Variants in ATG2B observed in about 807,000 individuals in gnomAD.
ATG2B encodes autophagy related 2B.
In ATG2B, 121 loss-of-function variants were observed where a neutral mutation model predicts 241.3. The observed-to-expected ratio is 0.50, with a 90% CI of 0.43 to 0.58. The LOEUF is 0.58. ATG2B is among the 20% of genes least tolerant of loss of function. The pLI is 0.00. For synonymous variants in ATG2B, 858 were observed against 876.6 expected (o/e 0.98, Z 0.37); for missense variants, 2,306 against 2,491.6 (o/e 0.93, Z 1.59).
In ATG2B at chr14:96,332,663, G is replaced by A. The variant is rs954661919; in HGVS notation, c.1208-8C>T. 2 of 1,539,726 alleles carry A rather than the reference G, an allele frequency of 1.3e-6. No homozygotes were observed. The highest frequency in any genetic ancestry group is 8.7e-7 in the Non-Finnish European group (1 of 1,150,316). On this transcript the variant is annotated splice_region_variant and splice_polypyrimidine_tract_variant and intron_variant, in intron 8 of 41. Coordinates refer to ENST00000359933, the MANE Select transcript of ATG2B (RefSeq NM_018036.7). ...AGAAGAATACTTCTTCTTCTAGAGA[G>A]AATTAAACTATGTCACTTGTATTAT...
At chr14:96,358,529 A>C (rs1266154842) in intron 1 of ATG2B, among the ~76,000 whole-genome samples, 1 of 152,234 alleles carries the variant, frequency 6.6e-6, no homozygotes, top group East Asian at 1.9e-4. Context: ...GCTACAAAAT[A>C]ATTTCCCTAA....
chr14:96,307,335 C>T (rs1345911676), intron 29 of ATG2B, among the ~76,000 whole-genome samples: 3 of 152,048 alleles, frequency 2.0e-5, no homozygotes, highest in East Asian at 1.9e-4. Context: ...TGTTTGAAGC[C>T]GGGAGGTGGA....
rs558528531 is a variant in ATG2B, at chr14:96,325,096, G to A, written c.2437+553C>T. Among the ~76,000 whole-genome samples, 11 of 152,264 alleles carry A rather than the reference G, an allele frequency of 7.2e-5. 1 individual carries two copies. In the South Asian group the frequency reaches 2.3e-3, roughly 32 times the overall value. ...AGTTTTACAAATAAAAGTCACTAGC[G>A]ATTAGTTAGTGTAATGGTTGAAAGC... On this transcript the variant is annotated intron_variant, in intron 15 of 41. Coordinates refer to ENST00000359933, the MANE Select transcript of ATG2B (RefSeq NM_018036.7).
At chr14:96,308,272 ATATATATATATTTTT>A (rs1887048749) in intron 29 of ATG2B, among the ~76,000 whole-genome samples, 7 of 25,860 alleles carry the variant, frequency 2.7e-4, no homozygotes, top group African/African-American at 4.8e-4. Context: ...ATATATATAT[ATATATATATATTTTT>A]TTTTTTTTTT....
chr14:96,344,728 T>C lies in ATG2B; in HGVS notation c.507A>G (p.Ile169Met), dbSNP rs150308733. 1.8e-5 allele frequency: 29 copies of C among 1,597,872 alleles called. No homozygotes were observed. In the African/African-American group the frequency reaches 2.8e-4, roughly 16 times the overall value. ...CATGTTCAATTCTCAAAACAGTATC[T>C]ATAAAAGTGACTTTTACTCTTCTTA... ...TVLRRVKVTF[I>M]DTVLRIEHVP... Residue 169 changes from isoleucine (I) to methionine (M), a missense_variant, in exon 4 of 42, where the codon ATA becomes ATG. By Grantham distance (10) the Ile-to-Met change is conservative (BLOSUM62 1). Transcript: ENST00000359933.
rs544411854 is a variant in ATG2B, at chr14:96,324,136, T to C, written c.2438-138A>G. 315 of 612,262 alleles carry C rather than the reference T, an allele frequency of 5.1e-4. 2 individuals carry two copies. Among genetic ancestry groups the C allele is most frequent in the Middle Eastern group, 1.1e-3 (3 of 2,620 alleles). 37.9% of individuals were successfully genotyped at this position (612,262 alleles called of 1,614,324 possible). A position where few individuals can be genotyped will look rare whatever the true frequency, so the allele number is the denominator to read the frequency against. Reference sequence around the variant, plus strand: ...GCATTTTTCAGTTGTTCTGGTTTCATGTGCACGTGTGGTAGACAGAATGAG... The same window carrying C: ...GCATTTTTCAGTTGTTCTGGTTTCACGTGCACGTGTGGTAGACAGAATGAG... On this transcript the variant is annotated intron_variant, in intron 15 of 41. Transcript: ENST00000359933.
intron 12 of ATG2B, 40 bp downstream of exon 12, chr14:96,329,444 T>C (rs1887672252): frequency 7.0e-7 from 1 of 1,423,676 alleles, no homozygotes; most frequent in South Asian, 1.4e-5. Flanking sequence ...GCAAGGTAGA[T>C]TTAAAAAATA....
rs779477286 is a variant in ATG2B at position 96,325,829 on chromosome 14, A to G, written c.2257T>C (p.Ser753Pro). The G allele has an allele frequency of 6.2e-7, 1 of 1,613,958 alleles. No homozygotes were observed. The highest frequency in any genetic ancestry group is 8.5e-7 in the Non-Finnish European group (1 of 1,179,992). The change falls in exon 15 of 42, where the codon TCT (serine) becomes CCT (proline). Residue 753 changes from serine to proline, a missense_variant. Ser to Pro is a moderately conservative substitution (Grantham distance 74). Transcript: ENST00000359933. The stretch of plus-strand genomic sequence containing the variant: ...AGATCAGGTATTGGGAAGCGAACAG[A>G]AAGGTTTAATGCTGGTGTGGCAACT... ...VQVATPALNL[S>P]VRFPIPDLRS... is the part of the protein sequence containing the mutation.
chr14:96,308,278 ATATATTT>A (rs1887052649), intron 29 of ATG2B, among the ~76,000 whole-genome samples: 6 of 27,712 alleles, frequency 2.2e-4, no homozygotes, highest in South Asian at 1.0e-3. Context: ...ATATATATAT[ATATATTT>A]TTTTTTTTTT....
In ATG2B at chr14:96,347,334, T is replaced by C. The variant is rs779121835; in HGVS notation, c.170A>G (p.Asn57Ser). 7 of 1,567,730 alleles carry C rather than the reference T, an allele frequency of 4.5e-6. No homozygotes were observed. The highest frequency in any genetic ancestry group is 1.2e-5 in the South Asian group (1 of 86,680). ...AQVPLDKWCL[N>S]EILESADAPL... The stretch of plus-strand genomic sequence containing the variant: ...TGCATCTGCTGACTCCAAGATCTCA[T>C]TGAGACACTAAGGAGAAAAAACAGG... The change falls in exon 2 of 42, where the codon AAT (asparagine) becomes AGT (serine). Residue 57 changes from asparagine to serine, a missense_variant. Asn to Ser is a conservative substitution (Grantham distance 46, BLOSUM62 1). This residue lies in a region of ATG2B where 1,927 missense variants were observed against 2,011.2 expected (regional missense o/e 0.96). Coordinates refer to ENST00000359933, the MANE Select transcript of ATG2B (RefSeq NM_018036.7).
chr14:96,331,027 G>C lies in ATG2B; in HGVS notation c.1730+349C>G, dbSNP rs148404859. Among the ~76,000 whole-genome samples the C allele has an allele frequency of 9.8e-5, 15 of 152,308 alleles. No individual in the cohort carries two copies. In the East Asian group the frequency reaches 2.9e-3, roughly 29 times the overall value. Reference sequence around the variant, plus strand: ...ACCACTGTCATCTCTGCTAATGCCAGTGACAATAAGAACTGTTTTCACGAC... The same window carrying C: ...ACCACTGTCATCTCTGCTAATGCCACTGACAATAAGAACTGTTTTCACGAC... On this transcript the variant is annotated intron_variant, in intron 11 of 41. Transcript: ENST00000359933.
intron 23 of ATG2B, 25 bp downstream of exon 23, chr14:96,315,129 A>G (rs1887271493): frequency 6.4e-7 from 1 of 1,567,614 alleles, no homozygotes; most frequent in Non-Finnish European, 8.7e-7. Context: ...TAAATAAATT[A>G]ATACATATAT....
At chr14:96,357,820 T>C (rs1888519729) in intron 1 of ATG2B, among the ~76,000 whole-genome samples, 1 of 152,192 alleles carries the variant, frequency 6.6e-6, no homozygotes, top group Non-Finnish European at 1.5e-5. Flanking sequence ...TTTTGTACCA[T>C]ATTGTTATCT....
intron 1 of ATG2B, among the ~76,000 whole-genome samples, chr14:96,352,006 T>C (rs1489214962): frequency 6.6e-6 from 1 of 151,890 alleles, no homozygotes; most frequent in Non-Finnish European, 1.5e-5. Flanking sequence ...TACAACACAA[T>C]CCAGAAGAAA....
Position 96,290,238 on chromosome 14 carries a change from A to T in ATG2B, c.5856+198T>A. 1 of 1,217,632 alleles carries T rather than the reference A, an allele frequency of 8.2e-7. No homozygotes were observed. The highest frequency in any genetic ancestry group is 1.1e-6 in the Non-Finnish European group (1 of 935,600). The allele number at this position is 1,217,632 out of a possible 1,614,324, so 75.4% of individuals were successfully genotyped here. A position where few individuals can be genotyped will look rare whatever the true frequency, so the allele number is the denominator to read the frequency against. ...CCTGAAATAGGCAAACAAATCTGACACTGTATTCCACTGCTTTATTCTAAT... is the reference window on the plus strand; with the variant it reads ...CCTGAAATAGGCAAACAAATCTGACTCTGTATTCCACTGCTTTATTCTAAT... On this transcript the variant is annotated intron_variant, in intron 40 of 41. Transcript: ENST00000359933. The surrounding 1 kb of genome is among the most constrained non-coding windows in gnomAD (Gnocchi z 4.4).
rs1268791209 is a variant in ATG2B, at chr14:96,281,491, T to C, written c.*4264A>G. On this transcript the variant is annotated 3_prime_UTR_variant, in exon 42 of 42. Coordinates refer to ENST00000359933, the MANE Select transcript of ATG2B (RefSeq NM_018036.7). ...ATTCAATGTCTAAAATAAGTCAGGATGGATCAACATAAAAGCTGAACTAGA... is the reference window on the plus strand; with the variant it reads ...ATTCAATGTCTAAAATAAGTCAGGACGGATCAACATAAAAGCTGAACTAGA... 6.6e-6 allele frequency: 1 copy of C among 152,176 alleles called. No individual in the cohort carries two copies. Among genetic ancestry groups the C allele is most frequent in the African/African-American group, 2.4e-5 (1 of 41,440 alleles). 9.4% of individuals were successfully genotyped at this position (152,176 alleles called of 1,614,324 possible). A position where few individuals can be genotyped will look rare whatever the true frequency, so the allele number is the denominator to read the frequency against.
rs1473272443 is a variant in ATG2B at position 96,290,385 on chromosome 14, C to A, written c.5856+51G>T. On this transcript the variant is annotated intron_variant, in intron 40 of 41. Coordinates refer to ENST00000359933, the MANE Select transcript of ATG2B (RefSeq NM_018036.7). The surrounding 1 kb of genome is among the most constrained non-coding windows in gnomAD (Gnocchi z 4.4). ...TCGTTTTAAAAACAAAAGGACCCAACCATTTCACAATGGCTCTTTTTGGAT... is the reference window on the plus strand; with the variant it reads ...TCGTTTTAAAAACAAAAGGACCCAAACATTTCACAATGGCTCTTTTTGGAT... 6.3e-7 allele frequency: 1 copy of A among 1,580,330 alleles called. No individual in the cohort carries two copies. The highest frequency in any genetic ancestry group is 8.6e-7 in the Non-Finnish European group (1 of 1,160,234).
Position 96,303,877 on chromosome 14 carries a change from C to T in ATG2B, c.4842+618G>A, listed in dbSNP as rs985911302. On this transcript the variant is annotated intron_variant, in intron 32 of 41. Transcript: ENST00000359933. ...GACATAAAATTATTATCTTGCATAC[C>T]TATGAAATTGCTTTAAAATGAATCA... 2.6e-5 allele frequency among the ~76,000 whole-genome samples: 4 copies of T among 152,122 alleles called. No homozygotes were observed. In the South Asian group the frequency reaches 8.3e-4, roughly 32 times the overall value.
In ATG2B at chr14:96,328,613, G is replaced by A. The variant is rs532871233; in HGVS notation, c.1974+61C>T. The stretch of plus-strand genomic sequence containing the variant: ...ATAATTGGGTTAAAACCTTATAATT[G>A]TGACAAAATATATATCAGATTAAAA... On this transcript the variant is annotated intron_variant, in intron 13 of 41. Coordinates refer to ENST00000359933, the MANE Select transcript of ATG2B (RefSeq NM_018036.7). The A allele has an allele frequency of 3.3e-5, 51 of 1,547,770 alleles. 1 individual carries two copies. In the South Asian group the frequency reaches 4.2e-4, roughly 13 times the overall value.
Sources: gnomAD v4.1 joint callset for allele counts (sites outside exome capture counted in the v4.1 genomes callset) on GRCh38, gnomAD v4.1.1 for gene constraint, gnomAD v4.1.1 regional missense constraint, Gnocchi (gnomAD v3.1) non-coding constraint, MANE v1.5 for transcripts, NCBI Gene and HGNC (gene_info 2026-07-23, HGNC 2026-07-21) for gene names.